The following TRDN variants were observed in gnomAD, a reference collection of about 807,000 sequenced individuals.
TRDN encodes triadin, also known as triadin in skeletal muscle.
TRDN carries 161 observed loss-of-function variants against 149.7 expected under a neutral mutation model. The observed-to-expected ratio is 1.08, with a 90% confidence interval of 0.95 to 1.23. The LOEUF is 1.23. TRDN is among the 50% of genes most tolerant of loss of function. The probability of loss-of-function intolerance (pLI) is 0.00; values close to 1 mark genes in which losing one functional copy is unlikely to be tolerated. For synonymous variants in TRDN, 294 were observed against 250.5 expected, an observed-to-expected ratio of 1.17 and a Z score of -1.64; for missense variants, 896 against 823.5, an observed-to-expected ratio of 1.09 and a Z score of -1.08.
chr6:123,633,460 A>G (rs1786121417), intron 1 of TRDN, among the ~76,000 whole-genome samples: 1 of 151,994 alleles, frequency 6.6e-6, no homozygotes, highest in Non-Finnish European at 1.5e-5. Flanking sequence ...CACATTCTTT[A>G]AACTCTCTCA....
intron 21 of TRDN, 47 bp from the exon 22 acceptor site, chr6:123,337,716 G>GA (rs1163131395): frequency 9.5e-6 from 11 of 1,161,984 alleles, no homozygotes; most frequent in South Asian, 3.2e-5. Context: ...AATAAGAGAG[G>GA]AAAAAAATGC....
intron 9 of TRDN, among the ~76,000 whole-genome samples, chr6:123,482,109 T>A (rs1777776089): frequency 6.6e-6 from 1 of 152,152 alleles, no homozygotes; most frequent in African/African-American, 2.4e-5. Context: ...TCCTACACAT[T>A]CAAATATTCT....
At chr6:123,433,143 A>AT (rs1774401827) in intron 12 of TRDN, among the ~76,000 whole-genome samples, 1 of 96,436 alleles carries the variant, frequency 1.0e-5, no homozygotes, top group African/African-American at 5.0e-5. Flanking sequence ...ACACATCATA[A>AT]ATATATATAT....
At chr6:123,224,779 A>G (rs1309233657) in intron 38 of TRDN, among the ~76,000 whole-genome samples, 1 of 151,792 alleles carries the variant, frequency 6.6e-6, no homozygotes, top group Non-Finnish European at 1.5e-5. Context: ...AAAGACTTAA[A>G]TGTAAAACTG....
At chr6:123,400,167 G>GTGTATATATA (rs1554232309) in intron 12 of TRDN, among the ~76,000 whole-genome samples, 21 of 123,380 alleles carry the variant, frequency 1.7e-4, no homozygotes, top group African/African-American at 3.0e-4. Flanking sequence ...ATATGTATGT[G>GTGTATATATA]TATATATATA....
chr6:123,373,407 C>A (rs1032760376), intron 19 of TRDN, among the ~76,000 whole-genome samples: 3 of 152,130 alleles, frequency 2.0e-5, no homozygotes, highest in African/African-American at 7.2e-5. Flanking sequence ...GTTCATTAAA[C>A]CTCTTTCTTT....
chr6:123,244,030 C>A (rs113113050), intron 38 of TRDN, among the ~76,000 whole-genome samples: 4,332 of 152,140 alleles, frequency 0.028, 199 homozygotes, highest in African/African-American at 0.099. Flanking sequence ...AGAAAACTAA[C>A]AGAAAGCAAT....
chr6:123,522,517 C>CTTTTTTTT (rs375665403), intron 5 of TRDN, among the ~76,000 whole-genome samples: 13 of 87,218 alleles, frequency 1.5e-4, no homozygotes, highest in South Asian at 4.0e-4. Flanking sequence ...TGCGGTTCCT[C>CTTTTTTTT]TTTTTTTTTT....
At chr6:123,221,595 G>T in intron 39 of TRDN, 73 bp from the exon 40 acceptor site, 2 of 1,019,038 alleles carry the variant, frequency 2.0e-6, no homozygotes, top group Non-Finnish European at 2.9e-6. Flanking sequence ...ATGGGACTGA[G>T]AATGTCTAAA....
At chr6:123,250,170 A>G (rs1486121215) in intron 38 of TRDN, among the ~76,000 whole-genome samples, 2 of 152,116 alleles carry the variant, frequency 1.3e-5, no homozygotes, top group African/African-American at 4.8e-5. Context: ...AAAACTACAA[A>G]CACTGATTAA....
intron 20 of TRDN, among the ~76,000 whole-genome samples, chr6:123,354,969 A>G (rs1202449114): frequency 6.6e-6 from 1 of 151,810 alleles, no homozygotes; most frequent in Non-Finnish European, 1.5e-5. Flanking sequence ...TTAGAAAAAT[A>G]TCAGTCTTTC....
intron 21 of TRDN, among the ~76,000 whole-genome samples, chr6:123,340,718 A>C (rs1459808535): frequency 6.6e-6 from 1 of 151,962 alleles, no homozygotes; most frequent in East Asian, 1.9e-4. Flanking sequence ...CAACATACCA[A>C]ACTTTTTGGA....
At chr6:123,430,472 C>T (rs1774291767) in intron 12 of TRDN, among the ~76,000 whole-genome samples, 1 of 151,750 alleles carries the variant, frequency 6.6e-6, no homozygotes, top group Non-Finnish European at 1.5e-5. Context: ...GTCCCAGCTA[C>T]TAGGGAGGCC....
At chr6:123,485,549 G>C (rs533675874) in intron 9 of TRDN, among the ~76,000 whole-genome samples, 15 of 152,090 alleles carry the variant, frequency 9.9e-5, no homozygotes, top group African/African-American at 3.4e-4. Flanking sequence ...GATGTTCTAG[G>C]GAGAGAATAA....
chr6:123,418,938 C>T (rs1773775994), intron 12 of TRDN, among the ~76,000 whole-genome samples: 1 of 151,998 alleles, frequency 6.6e-6, no homozygotes, highest in South Asian at 2.1e-4. Context: ...CTTATCCTTG[C>T]ACCAGGACGA....
At chr6:123,382,768 T>C (rs770747076) in intron 14 of TRDN, among the ~76,000 whole-genome samples, 3 of 152,044 alleles carry the variant, frequency 2.0e-5, no homozygotes, top group African/African-American at 4.8e-5. Context: ...ATTTCATTTA[T>C]AGTAGACGGG....
At chr6:123,417,608 C>T (rs142781735) in intron 12 of TRDN, among the ~76,000 whole-genome samples, 9 of 152,268 alleles carry the variant, frequency 5.9e-5, no homozygotes, top group African/African-American at 9.6e-5. Context: ...CATTCCCCCA[C>T]GTATCCTTGC....
intron 1 of TRDN, among the ~76,000 whole-genome samples, chr6:123,603,083 A>C (rs957854064): frequency 1.3e-5 from 2 of 151,282 alleles, no homozygotes; most frequent in African/African-American, 4.9e-5. Flanking sequence ...CCAAGGACTA[A>C]TGTATAACAA....
At chr6:123,507,000 C>T (rs1778957089) in intron 7 of TRDN, among the ~76,000 whole-genome samples, 1 of 152,084 alleles carries the variant, frequency 6.6e-6, no homozygotes, top group East Asian at 1.9e-4. Flanking sequence ...CACAATGCTT[C>T]TTTCAGAGAA....
Sources: gnomAD v4.1 joint callset for allele counts (sites outside exome capture counted in the v4.1 genomes callset) on GRCh38, gnomAD v4.1.1 for gene constraint, MANE v1.5 for transcripts, NCBI Gene and HGNC (gene_info 2026-07-23, HGNC 2026-07-21) for gene names.